SFPQ: variants seen among roughly 807,000 people sequenced by gnomAD.
SFPQ encodes the protein splicing factor, proline- and glutamine-rich.
SFPQ carries 11 observed loss-of-function variants against 72.9 expected under a neutral mutation model. That is an observed-to-expected ratio of 0.15 (90% confidence interval 0.09 to 0.25). SFPQ has a LOEUF of 0.25. Among genes scored for constraint, SFPQ ranks in the 10% least tolerant of loss-of-function variants. The pLI, the probability that SFPQ is intolerant of heterozygous loss-of-function variation, is 1.00. For missense variants in SFPQ, 847 were observed against 993.3 expected (o/e 0.85, Z 1.98); for synonymous variants, 506 against 367.3 (o/e 1.38, Z -4.32).
chr1:35,177,917 A>T, intron 4 of SFPQ: 1 of 643,846 alleles, frequency 1.6e-6, no homozygotes, highest in Non-Finnish European at 2.1e-6. Context: ...GTTTCACTCC[A>T]CATATCTAAA....
chr1:35,180,741 A>C, downstream of SFPQ: 1 of 1,060,410 alleles, frequency 9.4e-7, no homozygotes, highest in Non-Finnish European at 1.1e-6. Flanking sequence ...AGTTTGCTAC[A>C]ATAGAGACTA....
chr1:35,187,865 A>G, intron 7 of SFPQ, 108 bp downstream of exon 7: 1 of 722,820 alleles, frequency 1.4e-6, no homozygotes, highest in Non-Finnish European at 2.4e-6. Flanking sequence ...TGTTAGAAAA[A>G]AAGCAGAAAA....
In SFPQ at chr1:35,192,729, G is replaced by T. The variant is rs72908998; in HGVS notation, c.321C>A (p.Ser107=). The T allele has an allele frequency of 2.2e-3, 3,242 of 1,495,340 alleles. 35 individuals carry two copies. Among genetic ancestry groups the T allele is most frequent in the South Asian group, 0.02 (1,545 of 78,726 alleles). The allele number at this position is 1,495,340 out of a possible 1,614,324, so 92.6% of individuals were successfully genotyped here. A position where few individuals can be genotyped will look rare whatever the true frequency, so the allele number is the denominator to read the frequency against. ...QQPPPPPQDS[S]KPVVAQGPGP... ...CGGGTCCCTGAGCAACGACGGGCTTGGAAGAGTCCTGCGGCGGTGGCGGCG... is the reference window on the plus strand; with the variant it reads ...CGGGTCCCTGAGCAACGACGGGCTTTGAAGAGTCCTGCGGCGGTGGCGGCG... Residue 107 remains serine, a synonymous_variant, in exon 1 of 10, where the codon TCC becomes TCA. Coordinates refer to ENST00000357214, the MANE Select transcript of SFPQ (RefSeq NM_005066.3).
downstream of SFPQ, chr1:35,178,027 T>C (rs1570101939): frequency 2.3e-6 from 3 of 1,298,276 alleles, no homozygotes; most frequent in Non-Finnish European, 3.0e-6. Context: ...CCAACATCAA[T>C]CATTCTTACC....
intron 4 of SFPQ, 30 bp from the exon 5 acceptor site, chr1:35,189,412 C>A (rs537001417): frequency 6.4e-7 from 1 of 1,552,596 alleles, no homozygotes; most frequent in Non-Finnish European, 8.9e-7. Flanking sequence ...TAACATGAAC[C>A]GATTTGTGAA....
At chr1:35,178,706 G>A, downstream of SFPQ, 1 of 1,054,396 alleles carries the variant, frequency 9.5e-7, no homozygotes, top group Non-Finnish European at 1.1e-6. Flanking sequence ...ACAAAACAAA[G>A]ATCAGCCTTC....
rs757753314 is a variant in SFPQ at position 35,189,100 on chromosome 1, A to T, written c.1613-13T>A. 1 of 1,613,480 alleles carries T rather than the reference A, an allele frequency of 6.2e-7. No homozygotes were observed. The highest frequency in any genetic ancestry group is 8.5e-7 in the Non-Finnish European group (1 of 1,179,762). On this transcript the variant is annotated splice_polypyrimidine_tract_variant and intron_variant, in intron 5 of 9. Coordinates refer to ENST00000357214, the MANE Select transcript of SFPQ (RefSeq NM_005066.3). ...CGTCTCATCAGATCTGAACATTGGA[A>T]AATATTTGGATTCACATTAACAAGG...
chr1:35,182,348 T>A, downstream of SFPQ: 1 of 985,428 alleles, frequency 1.0e-6, no homozygotes, highest in Non-Finnish European at 1.2e-6. Flanking sequence ...ATAACCTGTT[T>A]GGGGACAAAA....
chr1:35,187,948 T>C (rs372822813), intron 7 of SFPQ, 25 bp downstream of exon 7: 2 of 1,446,108 alleles, frequency 1.4e-6, no homozygotes, highest in African/African-American at 2.8e-5. Context: ...CAACTCCAAT[T>C]GGAAGGCAGT....
Position 35,192,775 on chromosome 1 carries a change from T to C in SFPQ, c.275A>G (p.Gln92Arg), listed in dbSNP as rs757123578. The C allele has an allele frequency of 4.7e-6, 7 of 1,503,238 alleles. No individual in the cohort carries two copies. Among genetic ancestry groups the C allele is most frequent in the South Asian group, 1.2e-5 (1 of 80,640 alleles). The allele number at this position is 1,503,238 out of a possible 1,614,324, so 93.1% of individuals were successfully genotyped here. Residue 92 changes from glutamine (Q) to arginine (R), a missense_variant, in exon 1 of 10, where the codon CAG (glutamine) becomes CGG (arginine). Around this residue, in one of 6 missense-constraint regions of SFPQ, gnomAD observed 498 missense variants for 405.1 expected, o/e 1.23. Transcript: ENST00000357214. The stretch of plus-strand genomic sequence containing the variant: ...CGGCGGCTGCTGCTGCTGATGCGGC[T>C]GTGGATGCGGCGGCGGCTGATGCGG... ...PPPHQPPPHP[Q>R]PHQQQQPPPP...
chr1:35,182,089 T>G (rs1639491498), downstream of SFPQ: 4 of 985,220 alleles, frequency 4.1e-6, no homozygotes, highest in Admixed American at 2.5e-4. Flanking sequence ...CAGCATCCCT[T>G]ATAAAGAAAG....
chr1:35,191,334 C>T lies in SFPQ; in HGVS notation c.1017+7G>A, dbSNP rs1450023603. 6.2e-7 allele frequency: 1 copy of T among 1,610,878 alleles called. No individual in the cohort carries two copies. The highest frequency in any genetic ancestry group is 1.7e-5 in the Admixed American group (1 of 59,734). On this transcript the variant is annotated splice_region_variant and intron_variant, in intron 2 of 9. Transcript: ENST00000357214. The stretch of plus-strand genomic sequence containing the variant: ...AATTCTACGTAAAATCAAACAATTA[C>T]ACTCACAAGCTTAATAAATCCGAAT...
chr1:35,190,744 T>C lies in SFPQ; in HGVS notation c.1269A>G (p.Ala423=), dbSNP rs370233059. ...TGCATCGTTCAAATGCCTTTCTTGCTGCTGGCTTAGAAGCAAATTCAACAA... is the reference window on the plus strand; with the variant it reads ...TGCATCGTTCAAATGCCTTTCTTGCCGCTGGCTTAGAAGCAAATTCAACAA... ...KGIVEFASKP[A]ARKAFERCSE... is the part of the protein sequence containing the mutation. The change falls in exon 3 of 10, where the codon GCA becomes GCG. Residue 423 remains alanine (A), a synonymous_variant. Transcript: ENST00000357214. The C allele has an allele frequency of 2.5e-6, 4 of 1,614,152 alleles. No homozygotes were observed. In the African/African-American group the frequency reaches 4.0e-5, roughly 16 times the overall value.
intron 9 of SFPQ, 150 bp downstream of exon 9, chr1:35,186,851 C>T (rs1219937842): frequency 9.5e-6 from 7 of 735,074 alleles, no homozygotes; most frequent in Admixed American, 3.0e-5. Context: ...CAAAGTATTC[C>T]TCAATATTAC....
chr1:35,183,611 C>T lies in SFPQ; in HGVS notation c.*845G>A, dbSNP rs1047382175. 1.7e-5 allele frequency: 17 copies of T among 1,028,746 alleles called. No individual in the cohort carries two copies. The highest frequency in any genetic ancestry group is 3.4e-5 in the African/African-American group (2 of 59,096). 63.7% of individuals were successfully genotyped at this position (1,028,746 alleles called of 1,614,324 possible). A position where few individuals can be genotyped will look rare whatever the true frequency, so the allele number is the denominator to read the frequency against. Reference sequence around the variant, plus strand: ...ATACATGAAAAGACTTCATGTTTAACATCTTTAATTCAAATGTAAAAGTTC... The same window carrying T: ...ATACATGAAAAGACTTCATGTTTAATATCTTTAATTCAAATGTAAAAGTTC... On this transcript the variant is annotated 3_prime_UTR_variant, in exon 10 of 10. Transcript: ENST00000357214.
Position 35,192,404 on chromosome 1 carries a change from GC to G in SFPQ, c.645del (p.Pro216ArgfsTer9). ...AGGCCCGGGCCGCCACCTGGCTTCG[GC>G]CCGCCAGGCATTTTGCCGCCTTTGG... ...GGPKGGKMPG[G>X]PKPGGGPGLS... On this transcript the variant is annotated frameshift_variant, in exon 1 of 10. Coordinates refer to ENST00000357214, the MANE Select transcript of SFPQ (RefSeq NM_005066.3). LOFTEE classifies it high-confidence loss of function. 1 of 1,422,710 alleles carries G rather than the reference GC, an allele frequency of 7.0e-7. No individual in the cohort carries two copies. Among genetic ancestry groups the G allele is most frequent in the Non-Finnish European group, 9.1e-7 (1 of 1,096,186 alleles). The allele number at this position is 1,422,710 out of a possible 1,614,324, so 88.1% of individuals were successfully genotyped here.
intron 6 of SFPQ, among the ~76,000 whole-genome samples, chr1:35,188,305 C>G (rs1639824661): frequency 6.6e-6 from 1 of 152,180 alleles, no homozygotes; most frequent in Admixed American, 6.5e-5. Context: ...AAGTGTTAAA[C>G]CAACACTGAC....
In SFPQ at chr1:35,183,640, A is replaced by G; in HGVS notation, c.*816T>C. On this transcript the variant is annotated 3_prime_UTR_variant, in exon 10 of 10. Transcript: ENST00000357214. ...TTTAATTCAAATGTAAAAGTTCAATACAAGCCATTTATAGGGCTTGAGATT... is the reference window on the plus strand; with the variant it reads ...TTTAATTCAAATGTAAAAGTTCAATGCAAGCCATTTATAGGGCTTGAGATT... The G allele has an allele frequency of 9.6e-7, 1 of 1,036,454 alleles. No individual in the cohort carries two copies. The allele number at this position is 1,036,454 out of a possible 1,614,324, so 64.2% of individuals were successfully genotyped here.
downstream of SFPQ, chr1:35,180,286 A>G (rs1639413440): frequency 9.5e-7 from 1 of 1,049,372 alleles, no homozygotes; most frequent in African/African-American, 1.7e-5. Flanking sequence ...CAGTTGATGC[A>G]AAGTCCTAAG....
Sources: gnomAD v4.1 joint callset for allele counts (sites outside exome capture counted in the v4.1 genomes callset) on GRCh38, gnomAD v4.1.1 for gene constraint, gnomAD v4.1.1 regional missense constraint, MANE v1.5 for transcripts, NCBI Gene and HGNC (gene_info 2026-07-23, HGNC 2026-07-21) for gene names.